The following LAMB1 variants were observed in gnomAD, a reference collection of about 807,000 sequenced individuals.
LAMB1 encodes the protein laminin subunit beta-1.
LAMB1 carries 121 observed loss-of-function variants against 222.3 expected under a neutral mutation model. That is an observed-to-expected ratio of 0.54 (90% CI 0.47 to 0.63). The LOEUF is 0.63. LAMB1 is among the 30% of genes least tolerant of loss of function. The pLI is 0.00. For missense variants in LAMB1, 2,172 were observed against 2,240.8 expected (o/e 0.97, Z 0.62); for synonymous variants, 794 against 807.2 (o/e 0.98, Z 0.28).
intron 24 of LAMB1, 194 bp downstream of exon 24, chr7:107,951,032 C>A: frequency 2.0e-6 from 1 of 507,416 alleles, no homozygotes; most frequent in Non-Finnish European, 3.6e-6. Flanking sequence ...CTCTTGACTA[C>A]CTATACTTAT....
chr7:107,960,340 GC>G (rs774057009), intron 18 of LAMB1, 104 bp downstream of exon 18: 315 of 745,662 alleles, frequency 4.2e-4, no homozygotes, highest in Non-Finnish European at 6.9e-4. Flanking sequence ...TTTCCCTTGT[GC>G]TGCCTAACAC....
At position 107,964,543 on chromosome 7, in the gene LAMB1, C is replaced by T. The variant is rs776883875; in HGVS notation, c.1698+9G>A. 6.2e-7 allele frequency: 1 copy of T among 1,614,118 alleles called. No individual in the cohort carries two copies. Among genetic ancestry groups the T allele is most frequent in the Non-Finnish European group, 8.5e-7 (1 of 1,179,978 alleles). ...GCTTTACCGACCTGCCACACACTCC[C>T]CTACTCACAGGCCCCAAGTTGGCTT... On this transcript the variant is annotated intron_variant, in intron 14 of 33. Coordinates refer to ENST00000222399, the MANE Select transcript of LAMB1 (RefSeq NM_002291.3).
rs2033842261 is a variant in LAMB1 at position 107,975,789 on chromosome 7, A to T, written c.1089T>A (p.Asp363Glu). 2 of 1,614,036 alleles carry T rather than the reference A, an allele frequency of 1.2e-6. No individual in the cohort carries two copies. The highest frequency in any genetic ancestry group is 2.7e-5 in the African/African-American group (2 of 74,910). Reference protein sequence around the residue: ...ATGNVSGGVCDDCQHNTMGRN... With the variant: ...ATGNVSGGVCEDCQHNTMGRN... ...GCCCCATGGTGTTGTGCTGACAGTC[A>T]TCACACACGCCTCCGCTGACGTTCC... Residue 363 changes from aspartate to glutamate, a missense_variant, in exon 10 of 34, where the codon GAT (aspartate) becomes GAA (glutamate). By Grantham distance (45) the Asp-to-Glu change is conservative. Coordinates refer to ENST00000222399, the MANE Select transcript of LAMB1 (RefSeq NM_002291.3).
Position 107,960,623 on chromosome 7 carries a change from T to G in LAMB1, c.2136A>C (p.Ser712=). Residue 712 remains serine (S), a synonymous_variant, in exon 18 of 34, where the codon TCA becomes TCC. Transcript: ENST00000222399. The part of the protein sequence containing the change: ...DSLVLMPYCK[S]LDIFTVGGSG... ...AACCTCCCACGGTGAAGATGTCCAG[T>G]GATTTACAGTATGGCATGAGAACAA... 1 of 1,614,222 alleles carries G rather than the reference T, an allele frequency of 6.2e-7. No homozygotes were observed. The highest frequency in any genetic ancestry group is 8.5e-7 in the Non-Finnish European group (1 of 1,180,016).
intron 2 of LAMB1, 76 bp from the exon 3 acceptor site, chr7:108,001,809 G>A (rs1259656440): frequency 5.7e-6 from 9 of 1,578,278 alleles, no homozygotes; most frequent in Non-Finnish European, 7.8e-6. Flanking sequence ...ACAAGCGGGG[G>A]CGGGGGAGTG....
intron 27 of LAMB1, among the ~76,000 whole-genome samples, chr7:107,933,047 G>GGT (rs1309714053): frequency 1.3e-5 from 2 of 152,164 alleles, no homozygotes; most frequent in Non-Finnish European, 2.9e-5. Context: ...AAGGAACAAA[G>GGT]GTAGATGAAG....
intron 9 of LAMB1, among the ~76,000 whole-genome samples, chr7:107,977,545 TGGGA>T (rs748868263): frequency 5.1e-4 from 77 of 152,234 alleles, no homozygotes; most frequent in South Asian, 2.5e-3. Flanking sequence ...CCCAGCACTT[TGGGA>T]GGCCAAGGTG....
chr7:107,952,345 G>A (rs1172917370), intron 22 of LAMB1, 122 bp from the exon 23 acceptor site: 2 of 684,272 alleles, frequency 2.9e-6, no homozygotes, highest in South Asian at 4.1e-5. Flanking sequence ...ATGCAAAGAA[G>A]GAAAGAAATG....
At chr7:107,939,870 C>G (rs2032937875) in intron 25 of LAMB1, 119 bp downstream of exon 25, 1 of 1,172,538 alleles carries the variant, frequency 8.5e-7, no homozygotes, top group Non-Finnish European at 1.2e-6. Flanking sequence ...AGAATCTGTT[C>G]TCACCCACAG....
Position 107,980,511 on chromosome 7 carries a change from C to A in LAMB1, c.879+98G>T, listed in dbSNP as rs1584527765. 7.2e-6 allele frequency: 7 copies of A among 977,866 alleles called. No individual in the cohort carries two copies. In the East Asian group the frequency reaches 1.7e-4, roughly 23 times the overall value. 60.6% of individuals were successfully genotyped at this position (977,866 alleles called of 1,614,324 possible). A position where few individuals can be genotyped will look rare whatever the true frequency, so the allele number is the denominator to read the frequency against. ...TAAATGTAACTCTGTAAAACTAAAA[C>A]CCCCAGAAAATGTAAAAGGCTTAAG... On this transcript the variant is annotated intron_variant, in intron 8 of 33. Coordinates refer to ENST00000222399, the MANE Select transcript of LAMB1 (RefSeq NM_002291.3).
chr7:107,994,057 A>G (rs1388893237), intron 5 of LAMB1, among the ~76,000 whole-genome samples: 1 of 152,200 alleles, frequency 6.6e-6, no homozygotes, highest in Admixed American at 6.5e-5. Context: ...ACCTTTTCCT[A>G]TCCTGAGAGG....
intron 3 of LAMB1, among the ~76,000 whole-genome samples, chr7:107,999,576 A>T (rs1282160585): frequency 1.3e-5 from 2 of 152,160 alleles, no homozygotes; most frequent in Non-Finnish European, 2.9e-5. Context: ...TACTGTCTAA[A>T]AAACAGAGAC....
In LAMB1 at chr7:107,952,227, C is replaced by T. The variant is rs1393065184; in HGVS notation, c.3080-4G>A. The stretch of plus-strand genomic sequence containing the variant: ...CCCAGGTAATTACAGACACACTCTG[C>T]AAAAGAACATCACATTTACTTATTG... On this transcript the variant is annotated splice_region_variant and splice_polypyrimidine_tract_variant and intron_variant, in intron 22 of 33. Transcript: ENST00000222399. The T allele has an allele frequency of 1.9e-6, 3 of 1,587,998 alleles. No individual in the cohort carries two copies. In the African/African-American group the frequency reaches 4.0e-5, roughly 21 times the overall value.
intron 6 of LAMB1, 21 bp downstream of exon 6, chr7:107,986,154 A>G: frequency 1.2e-6 from 2 of 1,612,610 alleles, no homozygotes; most frequent in Non-Finnish European, 1.7e-6. Flanking sequence ...AGTAGAATGT[A>G]AAACACAGAA....
chr7:107,946,814 G>C (rs1301179533), intron 24 of LAMB1, among the ~76,000 whole-genome samples: 1 of 152,180 alleles, frequency 6.6e-6, no homozygotes, highest in Non-Finnish European at 1.5e-5. Flanking sequence ...TAATGTCTGG[G>C]CAAAAGAACA....
chr7:107,990,026 T>TG (rs61508370), intron 5 of LAMB1, among the ~76,000 whole-genome samples: 61,332 of 149,844 alleles, frequency 0.41, 13,046 homozygotes, highest in Middle Eastern at 0.53. Context: ...GAGTTTTTTG[T>TG]GTTTTTTTTT....
intron 5 of LAMB1, among the ~76,000 whole-genome samples, chr7:107,991,957 T>TC (rs1185815512): frequency 6.8e-6 from 1 of 146,716 alleles, no homozygotes; most frequent in Non-Finnish European, 1.5e-5. Context: ...TTGTAATGGC[T>TC]CCCTATTTCT....
rs780369106 is a variant in LAMB1 at position 107,975,046 on chromosome 7, G to A, written c.1422C>T (p.Ser474=). Residue 474 remains serine, a synonymous_variant, in exon 12 of 34, where the codon TCC becomes TCT. Transcript: ENST00000222399. ...GCTTGCAGTAGCAGTGACCTGTCTC[G>A]GAATCACAAGGATTCCCTCCAGGAA... The part of the protein sequence containing the change: ...GTIPGGNPCD[S]ETGHCYCKRL... 1.5e-5 allele frequency: 24 copies of A among 1,613,194 alleles called. No individual in the cohort carries two copies. Among genetic ancestry groups the A allele is most frequent in the South Asian group, 7.7e-5 (7 of 91,056 alleles).
intron 22 of LAMB1, among the ~76,000 whole-genome samples, chr7:107,953,227 G>A (rs891045586): frequency 2.0e-5 from 3 of 151,934 alleles, no homozygotes; most frequent in African/African-American, 7.3e-5. Flanking sequence ...CATGGTGGGG[G>A]GTGCCTGCAA....
Sources: gnomAD v4.1 joint callset for allele counts (sites outside exome capture counted in the v4.1 genomes callset) on GRCh38, gnomAD v4.1.1 for gene constraint, MANE v1.5 for transcripts, NCBI Gene and HGNC (gene_info 2026-07-23, HGNC 2026-07-21) for gene names.